Variants in GIGYF2 observed in about 807,000 individuals in gnomAD.
The protein encoded by GIGYF2 is GRB10 interacting GYF protein 2.
A neutral mutation model predicts 208.1 loss-of-function variants in GIGYF2; 25 were observed. The observed-to-expected ratio is 0.12, with a 90% CI of 0.09 to 0.17. The LOEUF (loss-of-function observed/expected upper bound fraction) is 0.17, where lower values mean the gene tolerates loss of function less well. Among genes scored for constraint, GIGYF2 ranks in the 10% least tolerant of loss-of-function variants. The pLI, the probability that GIGYF2 is intolerant of heterozygous loss-of-function variation, is 1.00. For synonymous variants in GIGYF2, 534 were observed against 543.8 expected, an observed-to-expected ratio of 0.98 and a Z score of 0.25; for missense variants, 1,302 against 1,579.4, an observed-to-expected ratio of 0.82 and a Z score of 2.98.
rs1008406264 is a variant in GIGYF2 at position 232,760,157 on chromosome 2, G to A, written c.380-323G>A. ...AAAACAATAAAATATTTAATCTACG[G>A]TAGTGTTTTATTGAACTTCTTAGAA... On this transcript the variant is annotated intron_variant, in intron 6 of 28. Coordinates refer to ENST00000373563, the MANE Select transcript of GIGYF2 (RefSeq NM_001103146.3). 37 of 196,416 alleles carry A rather than the reference G, an allele frequency of 1.9e-4. 1 individual carries two copies. The South Asian group carries it at 3.9e-3, about 21-fold the overall frequency. The allele number at this position is 196,416 out of a possible 1,614,324, so 12.2% of individuals were successfully genotyped here.
intron 7 of GIGYF2, 124 bp from the exon 8 acceptor site, chr2:232,761,270 CTA>C (rs1698731888): frequency 3.0e-6 from 2 of 663,840 alleles, no homozygotes; most frequent in Admixed American, 2.4e-5. Flanking sequence ...TAGGCAATAA[CTA>C]TGTATTTATT....
chr2:232,817,084 A>T, intron 20 of GIGYF2, 52 bp downstream of exon 20: 1 of 1,350,052 alleles, frequency 7.4e-7, no homozygotes, highest in East Asian at 2.3e-5. Context: ...GAGGGCTTTC[A>T]GGCTGCTTTC....
intron 2 of GIGYF2, among the ~76,000 whole-genome samples, chr2:232,728,540 C>T (rs1697309975): frequency 6.6e-6 from 1 of 151,988 alleles, no homozygotes; most frequent in Admixed American, 6.6e-5. Flanking sequence ...ACTGGCTGAC[C>T]AGTAAACTGA....
At chr2:232,713,542 C>G (rs559505129) in intron 2 of GIGYF2, among the ~76,000 whole-genome samples, 2 of 152,302 alleles carry the variant, frequency 1.3e-5, no homozygotes, top group Non-Finnish European at 1.5e-5. Flanking sequence ...GATACATTGT[C>G]ATTAATTAAA....
At chr2:232,740,126 G>A (rs895154190) in intron 3 of GIGYF2, among the ~76,000 whole-genome samples, 2 of 151,760 alleles carry the variant, frequency 1.3e-5, no homozygotes, top group East Asian at 3.9e-4. Flanking sequence ...TCAAGCAAAC[G>A]AACGAATATT....
intron 3 of GIGYF2, 23 bp from the exon 4 acceptor site, chr2:232,747,592 A>G: frequency 6.2e-7 from 1 of 1,613,668 alleles, no homozygotes; most frequent in Non-Finnish European, 8.5e-7. Context: ...TGTTTGACAT[A>G]TTCTCTGTCT....
chr2:232,831,761 T>G (rs1418655437), intron 21 of GIGYF2, among the ~76,000 whole-genome samples: 1 of 152,220 alleles, frequency 6.6e-6, no homozygotes, highest in Non-Finnish European at 1.5e-5. Context: ...TTTCACGTCA[T>G]GGTTAAGAGT....
chr2:232,754,521 T>C (rs1698458203), intron 5 of GIGYF2, among the ~76,000 whole-genome samples: 1 of 152,196 alleles, frequency 6.6e-6, no homozygotes, highest in Admixed American at 6.5e-5. Flanking sequence ...ATTTGAGTTT[T>C]ATATATGTGA....
chr2:232,762,361 T>C (rs1189201601), intron 8 of GIGYF2, among the ~76,000 whole-genome samples: 1 of 151,440 alleles, frequency 6.6e-6, no homozygotes, highest in Non-Finnish European at 1.5e-5. Flanking sequence ...CAAGTGAATC[T>C]CCTGCCTCAG....
chr2:232,828,527 A>C (rs1386372655), intron 21 of GIGYF2: 1 of 152,028 alleles, frequency 6.6e-6, no homozygotes, highest in Non-Finnish European at 1.5e-5. Context: ...ATCATAGCTC[A>C]CTGCAGCCTA....
chr2:232,781,122 T>C (rs1699702532), intron 8 of GIGYF2, among the ~76,000 whole-genome samples: 1 of 152,006 alleles, frequency 6.6e-6, no homozygotes, highest in Non-Finnish European at 1.5e-5. Context: ...CAGGCCAGGC[T>C]AATTTTTAGT....
At chr2:232,799,576 T>TA (rs1700330707) in intron 14 of GIGYF2, among the ~76,000 whole-genome samples, 1 of 151,034 alleles carries the variant, frequency 6.6e-6, no homozygotes, top group Non-Finnish European at 1.5e-5. Context: ...ATAATAATAA[T>TA]AATAATAATA....
At chr2:232,733,320 T>A (rs1370529963) in intron 2 of GIGYF2, among the ~76,000 whole-genome samples, 2 of 151,436 alleles carry the variant, frequency 1.3e-5, no homozygotes, top group Admixed American at 1.3e-4. Flanking sequence ...TAGTCTGGTT[T>A]GCACCTTTTG....
At chr2:232,839,159 T>C (rs1313531851) in intron 22 of GIGYF2, among the ~76,000 whole-genome samples, 5 of 152,184 alleles carry the variant, frequency 3.3e-5, no homozygotes, top group Non-Finnish European at 5.9e-5. Context: ...AAAGTGTGTC[T>C]TTTTCTGGCC....
intron 2 of GIGYF2, among the ~76,000 whole-genome samples, chr2:232,703,737 A>G (rs755880985): frequency 1.1e-4 from 16 of 152,168 alleles, no homozygotes; most frequent in Non-Finnish European, 2.1e-4. Flanking sequence ...AACAAGGAGG[A>G]ATGCTTTGGA....
At chr2:232,729,185 G>A (rs1697341477) in intron 2 of GIGYF2, among the ~76,000 whole-genome samples, 1 of 152,012 alleles carries the variant, frequency 6.6e-6, no homozygotes, top group South Asian at 2.1e-4. Context: ...TTGTCATGTT[G>A]TCCAGACTGT....
rs774410975 is a variant in GIGYF2, at chr2:232,806,487, A to G, written c.1640-4A>G. 1.3e-5 allele frequency: 20 copies of G among 1,590,272 alleles called. No individual in the cohort carries two copies. The highest frequency in any genetic ancestry group is 1.7e-5 in the Admixed American group (1 of 59,972). Reference sequence around the variant, plus strand: ...GTCTTTCTGTTTAATTGGTGCTGTTATAGGTCCCTTCAATAATCAGGAGAT... The same window carrying G: ...GTCTTTCTGTTTAATTGGTGCTGTTGTAGGTCCCTTCAATAATCAGGAGAT... On this transcript the variant is annotated splice_region_variant and splice_polypyrimidine_tract_variant and intron_variant, in intron 14 of 28. Transcript: ENST00000373563. This position sits in a 1 kb window ranked among gnomAD's most constrained non-coding sequence, Gnocchi z 4.0.
chr2:232,838,381 A>T (rs1054264059), intron 22 of GIGYF2, among the ~76,000 whole-genome samples: 1 of 152,098 alleles, frequency 6.6e-6, no homozygotes, highest in African/African-American at 2.4e-5. Flanking sequence ...ATATTTTGGC[A>T]CAGCAATAGG....
rs115772745 is a variant in GIGYF2, at chr2:232,842,255, A to G, written c.2890-1791A>G. On this transcript the variant is annotated intron_variant, in intron 23 of 28. Transcript: ENST00000373563. ...ACCCAGGCTGGAGTGCAGTGGTGTG[A>G]TGGTAACTCACTGTAACCTTGAACT... 8.8e-3 allele frequency among the ~76,000 whole-genome samples: 1,337 copies of G among 151,954 alleles called. 27 individuals are homozygous for G. Among genetic ancestry groups the G allele is most frequent in the African/African-American group, 0.03 (1,253 of 41,420 alleles).
Sources: gnomAD v4.1 joint callset for allele counts (sites outside exome capture counted in the v4.1 genomes callset) on GRCh38, gnomAD v4.1.1 for gene constraint, Gnocchi (gnomAD v3.1) non-coding constraint, MANE v1.5 for transcripts, NCBI Gene and HGNC (gene_info 2026-07-23, HGNC 2026-07-21) for gene names.